Variants in PBX1 observed in about 807,000 individuals in gnomAD.
PBX1 encodes the protein PBX homeobox 1.
In PBX1, 6 loss-of-function variants were observed where a neutral mutation model predicts 53.4. The observed-to-expected ratio is 0.11, with a 90% CI of 0.06 to 0.22. The LOEUF (loss-of-function observed/expected upper bound fraction) is 0.22. PBX1 is among the 10% of genes least tolerant of loss of function. The pLI is 1.00. For missense variants in PBX1, 251 were observed against 551.4 expected (o/e 0.46, Z 5.46); for synonymous variants, 204 against 212.3 (o/e 0.96, Z 0.34).
chr1:164,708,640 A>T (rs1663584468), intron 2 of PBX1, among the ~76,000 whole-genome samples: 1 of 152,210 alleles, frequency 6.6e-6, no homozygotes. Flanking sequence ...TGTAAGTGTG[A>T]ATGTGCAGTA....
chr1:164,796,045 T>C (rs1196903851), intron 3 of PBX1, among the ~76,000 whole-genome samples: 1 of 147,888 alleles, frequency 6.8e-6, no homozygotes, highest in Non-Finnish European at 1.5e-5. Flanking sequence ...TGAGATGGAG[T>C]CTTGCTCTGT....
chr1:164,792,609 G>A lies in PBX1; in HGVS notation c.381G>A (p.Ala127=). Residue 127 remains alanine, a synonymous_variant, in exon 3 of 9, where the codon GCG becomes GCA. Transcript: ENST00000420696. The part of the protein sequence containing the change: ...VAGPEKGGGS[A]AAAAAAAASG... ...GGCCTGAGAAGGGCGGAGGGTCGGC[G>A]GCAGCGGCGGCAGCGGCGGCGGCTT... The A allele has an allele frequency of 3.1e-6, 5 of 1,613,146 alleles. No homozygotes were observed. The highest frequency in any genetic ancestry group is 3.4e-6 in the Non-Finnish European group (4 of 1,179,588).
chr1:164,831,117 C>T (rs969463388), intron 8 of PBX1, among the ~76,000 whole-genome samples: 9 of 152,180 alleles, frequency 5.9e-5, no homozygotes, highest in African/African-American at 2.2e-4. Flanking sequence ...TTCTCACCAC[C>T]TAGATTCTGT....
chr1:164,816,948 G>A (rs1020098248), intron 6 of PBX1: 1 of 152,036 alleles, frequency 6.6e-6, no homozygotes, highest in Non-Finnish European at 1.5e-5. Context: ...AATGGATGTG[G>A]ACACTTTACC....
At chr1:164,603,059 C>T (rs1047474078) in intron 2 of PBX1, among the ~76,000 whole-genome samples, 13 of 152,092 alleles carry the variant, frequency 8.5e-5, no homozygotes, top group Admixed American at 6.6e-5. Context: ...CCTTATAATC[C>T]GTCCCTTCCC....
chr1:164,792,839 G>T, intron 3 of PBX1, 101 bp downstream of exon 3: 1 of 893,036 alleles, frequency 1.1e-6, no homozygotes, highest in Non-Finnish European at 1.7e-6. Flanking sequence ...ACCTTTCCCA[G>T]GTGCTGGCAT....
In PBX1 at chr1:164,665,733, C is replaced by T. The variant is rs528242078; in HGVS notation, c.265+102422C>T. ...CTACCTCTGCTTCTAGCAGCCAGGACACTCAGGACCTAACATCAGGAATGT... is the reference window on the plus strand; with the variant it reads ...CTACCTCTGCTTCTAGCAGCCAGGATACTCAGGACCTAACATCAGGAATGT... On this transcript the variant is annotated intron_variant, in intron 2 of 8. Coordinates refer to ENST00000420696, the MANE Select transcript of PBX1 (RefSeq NM_002585.4). 2.5e-3 allele frequency among the ~76,000 whole-genome samples: 383 copies of T among 152,334 alleles called. 5 individuals carry two copies. Among genetic ancestry groups the T allele is most frequent in the African/African-American group, 8.7e-3 (360 of 41,566 alleles).
intron 2 of PBX1, among the ~76,000 whole-genome samples, chr1:164,601,584 C>G (rs1348481865): frequency 6.6e-6 from 1 of 152,180 alleles, no homozygotes; most frequent in Non-Finnish European, 1.5e-5. Flanking sequence ...AGTACACAGA[C>G]TTTAGCTTAA....
chr1:164,808,611 T>G (rs1421699609), intron 5 of PBX1, among the ~76,000 whole-genome samples: 1 of 152,206 alleles, frequency 6.6e-6, no homozygotes. Context: ...ATGAAGTAGA[T>G]GCTCTTTTAT....
At chr1:164,788,252 TGCA>T in intron 2 of PBX1, among the ~76,000 whole-genome samples, 1 of 152,184 alleles carries the variant, frequency 6.6e-6, no homozygotes, top group Non-Finnish European at 1.5e-5. Context: ...TGCATGGTGC[TGCA>T]GAGATAAAAA....
At chr1:164,774,131 T>A (rs1667530817) in intron 2 of PBX1, among the ~76,000 whole-genome samples, 1 of 152,190 alleles carries the variant, frequency 6.6e-6, no homozygotes, top group Non-Finnish European at 1.5e-5. Flanking sequence ...GAATAGGATG[T>A]TAAGGAAAGT....
At chr1:164,753,147 T>C (rs781774220) in intron 2 of PBX1, among the ~76,000 whole-genome samples, 1 of 152,226 alleles carries the variant, frequency 6.6e-6, no homozygotes, top group Non-Finnish European at 1.5e-5. Context: ...CATTCATTTC[T>C]TTTTTGGCTC....
intron 2 of PBX1, among the ~76,000 whole-genome samples, chr1:164,734,199 T>G (rs1665151195): frequency 6.6e-6 from 1 of 152,222 alleles, no homozygotes; most frequent in Non-Finnish European, 1.5e-5. Flanking sequence ...GTTATCTCCT[T>G]TCTCATTTTC....
chr1:164,586,089 C>A (rs1405855140), intron 2 of PBX1, among the ~76,000 whole-genome samples: 1 of 152,218 alleles, frequency 6.6e-6, no homozygotes, highest in Non-Finnish European at 1.5e-5. Flanking sequence ...GTACTACACA[C>A]ATGTTGAAAG....
intron 8 of PBX1, among the ~76,000 whole-genome samples, chr1:164,830,567 G>T (rs1041627708): frequency 6.6e-5 from 10 of 152,086 alleles, no homozygotes; most frequent in African/African-American, 2.4e-4. Context: ...ATTTGTTATG[G>T]TTTTTTTGAA....
At chr1:164,637,369 A>C (rs1335197524) in intron 2 of PBX1, among the ~76,000 whole-genome samples, 1 of 152,206 alleles carries the variant, frequency 6.6e-6, no homozygotes, top group African/African-American at 2.4e-5. Flanking sequence ...AAAATGGATT[A>C]ACGTGATTCT....
chr1:164,773,506 T>C (rs1667489626), intron 2 of PBX1, among the ~76,000 whole-genome samples: 1 of 149,868 alleles, frequency 6.7e-6, no homozygotes, highest in African/African-American at 2.4e-5. Flanking sequence ...CCTTAAGAGT[T>C]CCCTGTCAAA....
chr1:164,609,056 C>G (rs1381974218), intron 2 of PBX1, among the ~76,000 whole-genome samples: 2 of 152,090 alleles, frequency 1.3e-5, no homozygotes, highest in African/African-American at 4.8e-5. Flanking sequence ...ATAAAACAGA[C>G]ATTGTTTCAG....
At chr1:164,787,315 G>A (rs949263053) in intron 2 of PBX1, among the ~76,000 whole-genome samples, 1 of 152,074 alleles carries the variant, frequency 6.6e-6, no homozygotes, top group Non-Finnish European at 1.5e-5. Context: ...TCAGCTTTGG[G>A]CCCCTGGACT....
Sources: gnomAD v4.1 joint callset for allele counts (sites outside exome capture counted in the v4.1 genomes callset) on GRCh38, gnomAD v4.1.1 for gene constraint, MANE v1.5 for transcripts, NCBI Gene and HGNC (gene_info 2026-07-23, HGNC 2026-07-21) for gene names.